ME2: variants seen among roughly 807,000 people sequenced by gnomAD.
ME2 encodes NAD-dependent malic enzyme, mitochondrial.
In ME2, 60 loss-of-function variants were observed where a neutral mutation model predicts 73.7. That is an observed-to-expected ratio of 0.81 (90% CI 0.66 to 1.01). The LOEUF (loss-of-function observed/expected upper bound fraction) is 1.01. ME2 is among the 50% of genes least tolerant of loss of function. The probability of loss-of-function intolerance (pLI) is 0.00; values close to 1 mark genes in which losing one functional copy is unlikely to be tolerated. For missense variants in ME2, 594 were observed against 705.5 expected (o/e 0.84, Z 1.79); for synonymous variants, 199 against 236.9 (o/e 0.84, Z 1.47).
At chr18:50,885,013 C>T (rs1436308784) in intron 1 of ME2, among the ~76,000 whole-genome samples, 1 of 152,140 alleles carries the variant, frequency 6.6e-6, no homozygotes, top group African/African-American at 2.4e-5. Context: ...GGTCACCACA[C>T]CCAGCTAATT....
chr18:50,933,959 C>G (rs1477437358), intron 13 of ME2: 2 of 152,144 alleles, frequency 1.3e-5, no homozygotes, highest in Non-Finnish European at 2.9e-5. Context: ...ATAATAGCCT[C>G]CAGCTCCATG....
intron 9 of ME2, 143 bp downstream of exon 9, chr18:50,920,901 T>TA (rs1326785197): frequency 1.4e-6 from 1 of 738,014 alleles, no homozygotes; most frequent in African/African-American, 1.8e-5. Context: ...AGTTCTGCTG[T>TA]AAAACATGTA....
chr18:50,909,625 A>G (rs115965192), intron 3 of ME2, among the ~76,000 whole-genome samples: 3,046 of 152,282 alleles, frequency 0.02, 50 homozygotes, highest in African/African-American at 0.04. Context: ...CTTTGATGTG[A>G]TAGAGCAAAA....
chr18:50,892,769 G>A (rs986800441), intron 1 of ME2, among the ~76,000 whole-genome samples: 2 of 152,030 alleles, frequency 1.3e-5, no homozygotes, highest in African/African-American at 2.4e-5. Context: ...CCAAAATAAT[G>A]CTGCTTTTTT....
At chr18:50,930,643 T>C (rs970776362) in intron 12 of ME2, among the ~76,000 whole-genome samples, 2 of 152,186 alleles carry the variant, frequency 1.3e-5, no homozygotes, top group African/African-American at 4.8e-5. Flanking sequence ...ATTGAAGAGA[T>C]TCCCAAGATC....
Position 50,912,869 on chromosome 18 carries a change from T to C in ME2, c.311T>C (p.Ile104Thr), listed in dbSNP as rs1433836761. Reference sequence around the variant, plus strand: ...TTTTATAGAATACTGCAAGATGACATTGAGAGTTTAATGCCAATTGTATAT... The same window carrying C: ...TTTTATAGAATACTGCAAGATGACACTGAGAGTTTAATGCCAATTGTATAT... ...KLFYRILQDD[I>T]ESLMPIVYTP... The change falls in exon 4 of 16, where the codon ATT becomes ACT. Residue 104 changes from isoleucine (I) to threonine (T), a missense_variant. Transcript: ENST00000321341. The C allele has an allele frequency of 1.6e-5, 25 of 1,610,692 alleles. No individual in the cohort carries two copies. The highest frequency in any genetic ancestry group is 2.0e-5 in the Non-Finnish European group (24 of 1,177,698).
chr18:50,921,788 C>A (rs988955037), intron 10 of ME2, among the ~76,000 whole-genome samples: 1 of 152,068 alleles, frequency 6.6e-6, no homozygotes, highest in Non-Finnish European at 1.5e-5. Context: ...AATCTGTGGA[C>A]CCTATCCCCA....
At chr18:50,933,764 G>A (rs1429655041) in intron 13 of ME2, 1 of 151,748 alleles carries the variant, frequency 6.6e-6, no homozygotes, top group African/African-American at 2.4e-5. Flanking sequence ...TCATCACCCG[G>A]CTAATAAGCA....
chr18:50,925,962 A>C (rs965920487), intron 12 of ME2, 64 bp downstream of exon 12: 17 of 1,146,276 alleles, frequency 1.5e-5, no homozygotes, highest in Middle Eastern at 2.0e-4. Context: ...TTAGTTATAC[A>C]TTCTTACACC....
intron 1 of ME2, among the ~76,000 whole-genome samples, chr18:50,889,437 C>A (rs1916555924): frequency 6.6e-6 from 1 of 152,172 alleles, no homozygotes; most frequent in Non-Finnish European, 1.5e-5. Context: ...CCAGAGAGGG[C>A]ATGGAAACCC....
intron 13 of ME2, among the ~76,000 whole-genome samples, chr18:50,936,882 G>A (rs1917831088): frequency 6.6e-6 from 1 of 152,106 alleles, no homozygotes; most frequent in Non-Finnish European, 1.5e-5. Context: ...AGCAAGCTTT[G>A]GTCGTGCCAC....
In ME2 at chr18:50,948,934, G is replaced by A. The variant is rs1347995769; in HGVS notation, c.*1750G>A. On this transcript the variant is annotated 3_prime_UTR_variant, in exon 16 of 16. Transcript: ENST00000321341. ...TGATCTCTGCAACCTCTGCCTCCTCGGTTCAGGCGATTCTTCTGCCTTAGC... is the reference window on the plus strand; with the variant it reads ...TGATCTCTGCAACCTCTGCCTCCTCAGTTCAGGCGATTCTTCTGCCTTAGC... 1 of 147,716 alleles carries A rather than the reference G, an allele frequency of 6.8e-6. No individual in the cohort carries two copies. The allele number at this position is 147,716 out of a possible 1,614,324, so 9.2% of individuals were successfully genotyped here.
At chr18:50,925,155 A>G (rs1240107688) in intron 11 of ME2, among the ~76,000 whole-genome samples, 1 of 152,106 alleles carries the variant, frequency 6.6e-6, no homozygotes, top group Non-Finnish European at 1.5e-5. Context: ...TTATCTTCCC[A>G]ATTAGAGTGA....
chr18:50,908,776 G>A (rs1599101320), intron 3 of ME2, among the ~76,000 whole-genome samples: 2 of 151,896 alleles, frequency 1.3e-5, no homozygotes, highest in African/African-American at 4.8e-5. Context: ...GAGTAGTTGG[G>A]ATTACAGGCG....
chr18:50,939,164 G>GAA (rs200483527), intron 13 of ME2: 2 of 146,356 alleles, frequency 1.4e-5, no homozygotes, highest in African/African-American at 2.5e-5. Context: ...GAGAGAGAGA[G>GAA]AAAAAAAAAT....
intron 6 of ME2, 84 bp downstream of exon 6, chr18:50,917,592 T>G: frequency 9.9e-7 from 1 of 1,009,938 alleles, no homozygotes; most frequent in South Asian, 3.0e-5. Flanking sequence ...AATGATAATT[T>G]AAGAAGGGAA....
intron 5 of ME2, 89 bp from the exon 6 acceptor site, chr18:50,917,258 A>G (rs1917307090): frequency 1.0e-6 from 1 of 993,704 alleles, no homozygotes; most frequent in Admixed American, 2.2e-5. Context: ...AAGAGTAAAT[A>G]TATATGAAGT....
intron 2 of ME2, among the ~76,000 whole-genome samples, chr18:50,906,807 C>A (rs958817955): frequency 6.6e-6 from 1 of 152,164 alleles, no homozygotes; most frequent in Non-Finnish European, 1.5e-5. Flanking sequence ...TTTACAACTA[C>A]CCAGAAGCCT....
At chr18:50,939,735 G>A in intron 14 of ME2, 95 bp downstream of exon 14, 1 of 763,486 alleles carries the variant, frequency 1.3e-6, no homozygotes, top group East Asian at 2.6e-5. Context: ...GGTTAAATCT[G>A]CCTTATTAAT....
Sources: gnomAD v4.1 joint callset for allele counts (sites outside exome capture counted in the v4.1 genomes callset) on GRCh38, gnomAD v4.1.1 for gene constraint, MANE v1.5 for transcripts, NCBI Gene and HGNC (gene_info 2026-07-23, HGNC 2026-07-21) for gene names.